Variants in PRR16 observed in about 807,000 individuals in gnomAD.
PRR16 encodes proline rich 16.
In PRR16, 6 loss-of-function variants were observed where a neutral mutation model predicts 18.2. The ratio of observed to expected loss-of-function variants is 0.33; its 90% CI spans 0.18 to 0.65. The LOEUF is 0.65. PRR16 is among the 30% of genes least tolerant of loss of function. The pLI, the probability that PRR16 is intolerant of heterozygous loss-of-function variation, is 0.74. For missense variants in PRR16, 412 were observed against 376.6 expected, an observed-to-expected ratio of 1.09 and a Z score of -0.78; for synonymous variants, 151 against 147.8, an observed-to-expected ratio of 1.02 and a Z score of -0.16.
intron 1 of PRR16, among the ~76,000 whole-genome samples, chr5:120,548,158 A>G (rs150304586): frequency 6.6e-6 from 1 of 152,170 alleles, no homozygotes; most frequent in Non-Finnish European, 1.5e-5. Flanking sequence ...AATACTGTAG[A>G]TAGATCAGAC....
chr5:120,679,446 A>G (rs1342466449), intron 1 of PRR16, among the ~76,000 whole-genome samples: 1 of 152,126 alleles, frequency 6.6e-6, no homozygotes, highest in Non-Finnish European at 1.5e-5. Flanking sequence ...CATACTTTGA[A>G]ATACCTTAAG....
intron 1 of PRR16, among the ~76,000 whole-genome samples, chr5:120,665,327 G>C (rs1217875329): frequency 6.6e-6 from 1 of 151,848 alleles, no homozygotes; most frequent in Non-Finnish European, 1.5e-5. Context: ...TTGTAAATTT[G>C]TTTGAGTTCC....
chr5:120,787,795 C>T, the PRR16 span, among the ~76,000 whole-genome samples: 1 of 152,168 alleles, frequency 6.6e-6, no homozygotes, highest in Non-Finnish European at 1.5e-5. Context: ...GTTGTACTTT[C>T]CACACTTCTA....
chr5:120,765,574 C>A, the PRR16 span, among the ~76,000 whole-genome samples: 1 of 151,914 alleles, frequency 6.6e-6, no homozygotes, highest in South Asian at 2.1e-4. Context: ...AACCTCTTTA[C>A]CTTCTTTTCT....
At chr5:120,679,092 T>A (rs1280970807) in intron 1 of PRR16, among the ~76,000 whole-genome samples, 1 of 152,210 alleles carries the variant, frequency 6.6e-6, no homozygotes, top group Non-Finnish European at 1.5e-5. Context: ...TATAGCTTCC[T>A]TGTATACATG....
At chr5:120,517,105 A>T (rs1163740601) in intron 1 of PRR16, among the ~76,000 whole-genome samples, 1 of 152,222 alleles carries the variant, frequency 6.6e-6, no homozygotes, top group Non-Finnish European at 1.5e-5. Flanking sequence ...GGCAGCAGAT[A>T]CTTTTATCCC....
chr5:120,713,872 C>A, the PRR16 span, among the ~76,000 whole-genome samples: 1 of 151,986 alleles, frequency 6.6e-6, no homozygotes, highest in East Asian at 1.9e-4. Flanking sequence ...CATGTGAATG[C>A]ACTTTAACTT....
chr5:120,785,506 GATTA>G, the PRR16 span, among the ~76,000 whole-genome samples: 6,767 of 150,944 alleles, frequency 0.045, 208 homozygotes, highest in African/African-American at 0.084. Context: ...TTTTCTATCA[GATTA>G]ATTATTTGAT....
intron 1 of PRR16, among the ~76,000 whole-genome samples, chr5:120,623,320 A>C (rs1754751903): frequency 6.6e-6 from 1 of 152,160 alleles, no homozygotes; most frequent in Non-Finnish European, 1.5e-5. Flanking sequence ...GTAATTATCT[A>C]TGTCCTAATT....
At chr5:120,747,248 A>G in the PRR16 span, among the ~76,000 whole-genome samples, 46 of 152,216 alleles carry the variant, frequency 3.0e-4, no homozygotes, top group Admixed American at 7.9e-4. Context: ...AGCTGAGGAG[A>G]TTTACGTTTA....
At chr5:120,545,421 TAC>T (rs1752045277) in intron 1 of PRR16, among the ~76,000 whole-genome samples, 1 of 152,114 alleles carries the variant, frequency 6.6e-6, no homozygotes, top group Non-Finnish European at 1.5e-5. Context: ...CTTATAATTT[TAC>T]AGTTGAAAAC....
the PRR16 span, among the ~76,000 whole-genome samples, chr5:120,778,632 A>G: frequency 6.6e-6 from 1 of 152,140 alleles, no homozygotes; most frequent in African/African-American, 2.4e-5. Context: ...ATTTAACGTG[A>G]TTGTATTCAG....
the PRR16 span, among the ~76,000 whole-genome samples, chr5:120,740,992 TATTTA>T: frequency 6.6e-6 from 1 of 151,982 alleles, no homozygotes; most frequent in African/African-American, 2.4e-5. Context: ...TACCTCAATG[TATTTA>T]ATTTTTCTTT....
chr5:120,519,565 A>C (rs1751105943), intron 1 of PRR16, among the ~76,000 whole-genome samples: 1 of 152,150 alleles, frequency 6.6e-6, no homozygotes, highest in Non-Finnish European at 1.5e-5. Context: ...ACTTCACTCA[A>C]TGAAAATTCC....
chr5:120,766,566 C>T, the PRR16 span, among the ~76,000 whole-genome samples: 98 of 151,850 alleles, frequency 6.5e-4, 2 homozygotes, highest in South Asian at 4.4e-3. Flanking sequence ...ACTTTTATTT[C>T]TACCCACTTT....
intron 1 of PRR16, among the ~76,000 whole-genome samples, chr5:120,664,466 T>TA (rs375261751): frequency 1.4e-5 from 2 of 144,408 alleles, no homozygotes; most frequent in Non-Finnish European, 3.1e-5. Flanking sequence ...GTTTTTTTTT[T>TA]ATTATTATAC....
At chr5:120,661,757 A>C (rs1756180272) in intron 1 of PRR16, among the ~76,000 whole-genome samples, 1 of 151,996 alleles carries the variant, frequency 6.6e-6, no homozygotes, top group African/African-American at 2.4e-5. Flanking sequence ...CTGTATTTCC[A>C]AAGTCTGTAT....
chr5:120,612,511 G>A (rs1010504251), intron 1 of PRR16, among the ~76,000 whole-genome samples: 2 of 152,108 alleles, frequency 1.3e-5, no homozygotes, highest in African/African-American at 4.8e-5. Flanking sequence ...TTCTCGTGAC[G>A]GTGAATAAGT....
chr5:120,760,796 A>G, the PRR16 span, among the ~76,000 whole-genome samples: 6 of 152,110 alleles, frequency 3.9e-5, no homozygotes, highest in Non-Finnish European at 8.8e-5. Flanking sequence ...CTCAGTTAAA[A>G]TACCTCTGAA....
Sources: gnomAD v4.1 joint callset for allele counts (sites outside exome capture counted in the v4.1 genomes callset) on GRCh38, gnomAD v4.1.1 for gene constraint, MANE v1.5 for transcripts, NCBI Gene and HGNC (gene_info 2026-07-23, HGNC 2026-07-21) for gene names.